Variants in PRDX3 observed in about 807,000 individuals in gnomAD.
PRDX3 encodes the protein peroxiredoxin 3.
Under a neutral mutation model 30.4 loss-of-function variants are expected in PRDX3, and 20 were observed. That is an observed-to-expected ratio of 0.66 (90% CI 0.46 to 0.96). The LOEUF (loss-of-function observed/expected upper bound fraction) is 0.96. Ranked by LOEUF, PRDX3 falls within the 40% of genes least tolerant of loss-of-function variation. The probability of loss-of-function intolerance (pLI) is 0.00; values close to 1 mark genes in which losing one functional copy is unlikely to be tolerated. For synonymous variants in PRDX3, 124 were observed against 117.8 expected, an observed-to-expected ratio of 1.05 and a Z score of -0.34; for missense variants, 322 against 318.3, an observed-to-expected ratio of 1.01 and a Z score of -0.09.
Position 119,168,389 on chromosome 10 carries a change from C to G in PRDX3, c.*91G>C. The G allele has an allele frequency of 2.5e-6, 4 of 1,588,718 alleles. No homozygotes were observed. Among genetic ancestry groups the G allele is most frequent in the Non-Finnish European group, 3.4e-6 (4 of 1,171,852 alleles). On this transcript the variant is annotated 3_prime_UTR_variant, in exon 7 of 7. Coordinates refer to ENST00000298510, the MANE Select transcript of PRDX3 (RefSeq NM_006793.5). ...AATACAAGCATAATTGGTTCCTTGC[C>G]TTCTACAAATAACCATCTTGAAAAT...
At chr10:119,176,921 G>C in intron 2 of PRDX3, 100 bp downstream of exon 2, 1 of 1,464,162 alleles carries the variant, frequency 6.8e-7, no homozygotes, top group Non-Finnish European at 9.4e-7. Context: ...AAAGCTCCCA[G>C]GTGACTCTAA....
chr10:119,176,250 C>T (rs2066961614), intron 2 of PRDX3, among the ~76,000 whole-genome samples: 1 of 152,168 alleles, frequency 6.6e-6, no homozygotes, highest in Non-Finnish European at 1.5e-5. Context: ...TGAACAGAAA[C>T]AGGAGGCGCT....
chr10:119,173,864 A>G lies in PRDX3; in HGVS notation c.320T>C (p.Val107Ala). 10 of 1,603,186 alleles carry G rather than the reference A, an allele frequency of 6.2e-6. No homozygotes were observed. Among genetic ancestry groups the G allele is most frequent in the Non-Finnish European group, 8.5e-6 (10 of 1,172,192 alleles). ...AAAAGCAACAATTTCTGTAGGACAC[A>G]CAAAGGTGCTGGAAAAAAAGGATAG... The part of the protein sequence containing the change: ...LFFYPLDFTF[V>A]CPTEIVAFSD... Residue 107 changes from valine (V) to alanine (A), a missense_variant, in exon 4 of 7, where the codon GTG becomes GCG. Val to Ala is a moderately conservative substitution (Grantham distance 64, BLOSUM62 0). Transcript: ENST00000298510.
intron 5 of PRDX3, chr10:119,169,619 C>T (rs561944690): frequency 1.5e-5 from 4 of 270,220 alleles, no homozygotes; most frequent in Non-Finnish European, 2.9e-5. Flanking sequence ...TACACAGTAT[C>T]GGAAAGTCAC....
At position 119,167,922 on chromosome 10, in the gene PRDX3, G is replaced by A. The variant is rs1847805355; in HGVS notation, c.*558C>T. On this transcript the variant is annotated 3_prime_UTR_variant, in exon 7 of 7. Coordinates refer to ENST00000298510, the MANE Select transcript of PRDX3 (RefSeq NM_006793.5). Reference sequence around the variant, plus strand: ...ACTACATAAACTCAATTTCAGGGATGAGGGATCATGCATGATCAGTTAAGT... The same window carrying A: ...ACTACATAAACTCAATTTCAGGGATAAGGGATCATGCATGATCAGTTAAGT... The A allele has an allele frequency of 6.6e-6, 1 of 152,292 alleles. No individual in the cohort carries two copies. Among genetic ancestry groups the A allele is most frequent in the Non-Finnish European group, 1.5e-5 (1 of 68,112 alleles). 9.4% of individuals were successfully genotyped at this position (152,292 alleles called of 1,614,324 possible).
chr10:119,172,354 C>A (rs769086122), intron 5 of PRDX3, 28 bp downstream of exon 5: 13 of 1,532,520 alleles, frequency 8.5e-6, no homozygotes. Context: ...GAAAAATAAT[C>A]TTAAGTTCAT....
chr10:119,177,411 G>A (rs1366580321), intron 1 of PRDX3, among the ~76,000 whole-genome samples: 1 of 152,174 alleles, frequency 6.6e-6, no homozygotes, highest in East Asian at 1.9e-4. Context: ...TGTAATCCCA[G>A]CACTTTGGGA....
chr10:119,170,266 T>C (rs146941653), intron 5 of PRDX3: 1 of 152,256 alleles, frequency 6.6e-6, no homozygotes, highest in Admixed American at 6.5e-5. Context: ...AAAAGATGCT[T>C]CTCCCTCCCT....
chr10:119,169,067 C>A, intron 6 of PRDX3, 110 bp downstream of exon 6: 18 of 984,182 alleles, frequency 1.8e-5, no homozygotes, highest in Middle Eastern at 4.1e-4. Flanking sequence ...ATTTGCATAT[C>A]ATCTGCACGC....
Position 119,174,516 on chromosome 10 carries a change from G to A in PRDX3, c.246C>T (p.Phe82=). Residue 82 remains phenylalanine, a synonymous_variant, in exon 3 of 7, where the codon TTC becomes TTT. Transcript: ENST00000298510. Reference sequence around the variant, plus strand: ...TAAAGTCATCAAGGCTTAGGTCTTTGAACTCTCCATTGACAACGGCTGTAC... The same window carrying A: ...TAAAGTCATCAAGGCTTAGGTCTTTAAACTCTCCATTGACAACGGCTGTAC... ...FKGTAVVNGE[F]KDLSLDDFKG... is the part of the protein sequence containing the mutation. 6.2e-7 allele frequency: 1 copy of A among 1,612,998 alleles called. No homozygotes were observed. The highest frequency in any genetic ancestry group is 8.5e-7 in the Non-Finnish European group (1 of 1,179,630).
At chr10:119,177,881 CTTT>C (rs141498625) in intron 1 of PRDX3, among the ~76,000 whole-genome samples, 1 of 134,744 alleles carries the variant, frequency 7.4e-6, no homozygotes, top group Non-Finnish European at 1.5e-5. Context: ...GTTTACTCAA[CTTT>C]TTTTTTTTTT....
intron 5 of PRDX3, among the ~76,000 whole-genome samples, chr10:119,171,685 T>G (rs1847911235): frequency 6.6e-6 from 1 of 152,220 alleles, no homozygotes; most frequent in Non-Finnish European, 1.5e-5. Flanking sequence ...CACTATTTAA[T>G]CCTCACACCC....
chr10:119,169,035 C>A, intron 6 of PRDX3, 142 bp downstream of exon 6: 20 of 781,636 alleles, frequency 2.6e-5, no homozygotes, highest in Non-Finnish European at 3.3e-5. Flanking sequence ...CCCACCCCCT[C>A]TACCCCACAG....
intron 5 of PRDX3, 33 bp downstream of exon 5, chr10:119,172,349 A>G: frequency 6.6e-7 from 1 of 1,521,266 alleles, no homozygotes; most frequent in Non-Finnish European, 9.1e-7. Flanking sequence ...AACATGAAAA[A>G]TAATCTTAAG....
intron 2 of PRDX3, 67 bp downstream of exon 2, chr10:119,176,954 C>T (rs1848042814): frequency 6.3e-7 from 1 of 1,597,588 alleles, no homozygotes. Context: ...GTTCAGAGCC[C>T]CTGTCCAGAG....
chr10:119,169,151 C>G (rs1312762174), intron 6 of PRDX3, 26 bp downstream of exon 6: 2 of 1,609,536 alleles, frequency 1.2e-6, no homozygotes, highest in Admixed American at 3.3e-5. Flanking sequence ...ACATGGACCT[C>G]ACTGCTTTTG....
intron 5 of PRDX3, among the ~76,000 whole-genome samples, chr10:119,171,334 C>G (rs1329362761): frequency 6.6e-6 from 1 of 151,748 alleles, no homozygotes; most frequent in Non-Finnish European, 1.5e-5. Flanking sequence ...GCCACCGCGC[C>G]CGGCCAGGTG....
intron 1 of PRDX3, among the ~76,000 whole-genome samples, chr10:119,178,286 C>G (rs36028551): frequency 0.012 from 1,753 of 152,324 alleles, 37 homozygotes; most frequent in African/African-American, 0.04. Flanking sequence ...CAGGAAACAG[C>G]AGCAGAAACA....
chr10:119,174,417 A>C (rs751926133), intron 3 of PRDX3, 34 bp downstream of exon 3: 21 of 1,574,104 alleles, frequency 1.3e-5, no homozygotes, highest in Non-Finnish European at 1.6e-5. Flanking sequence ...TTGCTCTCAG[A>C]ATGACACGAA....
Sources: gnomAD v4.1 joint callset for allele counts (sites outside exome capture counted in the v4.1 genomes callset) on GRCh38, gnomAD v4.1.1 for gene constraint, MANE v1.5 for transcripts, NCBI Gene and HGNC (gene_info 2026-07-23, HGNC 2026-07-21) for gene names.